The following ACSF2 variants were observed in gnomAD, a reference collection of about 807,000 sequenced individuals.
The protein encoded by ACSF2 is medium-chain acyl-CoA ligase ACSF2, mitochondrial.
ACSF2 carries 52 observed loss-of-function variants against 79.3 expected under a neutral mutation model. That is an observed-to-expected ratio of 0.66 (90% CI 0.53 to 0.83). ACSF2 has a LOEUF of 0.83. Among genes scored for constraint, ACSF2 ranks in the 40% least tolerant of loss-of-function variants. ACSF2 has a pLI of 0.00. For missense variants in ACSF2, 661 were observed against 803.3 expected (o/e 0.82, Z 2.14); for synonymous variants, 283 against 312.6 (o/e 0.91, Z 1.00).
At chr17:50,451,788 T>C (rs1448666403) in intron 1 of ACSF2, among the ~76,000 whole-genome samples, 1 of 152,346 alleles carries the variant, frequency 6.6e-6, no homozygotes, top group South Asian at 2.1e-4. Flanking sequence ...CAAGTGAGCA[T>C]GATGTGGTAC....
In ACSF2 at chr17:50,472,521, TG is replaced by T; in HGVS notation, c.1421del (p.Gly474ValfsTer24). On this transcript the variant is annotated frameshift_variant, in exon 12 of 16. Coordinates refer to ENST00000300441, the MANE Select transcript of ACSF2 (RefSeq NM_025149.6). LOFTEE classifies it high-confidence loss of function. ...AGGGTACTGCGTCATGCTGGGCTAC[TG>T]GGGTGAGCCTCAGAAGACAGAGGAA... ...IRGYCVMLGY[W>X]GEPQKTEEAV... is the part of the protein sequence containing the mutation. 6.2e-7 allele frequency: 1 copy of T among 1,612,708 alleles called. No individual in the cohort carries two copies. The highest frequency in any genetic ancestry group is 8.5e-7 in the Non-Finnish European group (1 of 1,179,360).
chr17:50,447,499 G>A lies in ACSF2; in HGVS notation c.129-13178G>A, dbSNP rs141498335. On this transcript the variant is annotated intron_variant, in intron 1 of 15. Coordinates refer to ENST00000300441, the MANE Select transcript of ACSF2 (RefSeq NM_025149.6). ...AGAGGTTGTAGTGAGCCGAGATCGC[G>A]CCACTGCACTCCAGCCTGGGCCACA... 1.4e-3 allele frequency among the ~76,000 whole-genome samples: 212 copies of A among 151,980 alleles called. 2 individuals carry two copies. Among genetic ancestry groups the A allele is most frequent in the African/African-American group, 5.0e-3 (207 of 41,424 alleles).
intron 1 of ACSF2, among the ~76,000 whole-genome samples, chr17:50,444,956 C>G (rs977490579): frequency 6.6e-6 from 1 of 152,018 alleles, no homozygotes; most frequent in Non-Finnish European, 1.5e-5. Context: ...ACTCTGTTGC[C>G]CAGGCTGGAG....
At chr17:50,441,566 C>T (rs1372627701) in intron 1 of ACSF2, among the ~76,000 whole-genome samples, 1 of 152,152 alleles carries the variant, frequency 6.6e-6, no homozygotes, top group African/African-American at 2.4e-5. Context: ...GTTTGAATCC[C>T]AGGTTGGCTG....
intron 10 of ACSF2, chr17:50,468,768 G>A: frequency 6.3e-7 from 1 of 1,584,884 alleles, no homozygotes; most frequent in Non-Finnish European, 8.5e-7. Flanking sequence ...GCCGGCAGCA[G>A]ACCAGCCAGG....
chr17:50,465,386 T>A (rs753373865), intron 10 of ACSF2: 8 of 1,613,776 alleles, frequency 5.0e-6, no homozygotes, highest in Non-Finnish European at 6.8e-6. Context: ...GCCCTTGAAC[T>A]TGGCAGGTGA....
intron 1 of ACSF2, among the ~76,000 whole-genome samples, chr17:50,429,516 T>C (rs939368724): frequency 6.9e-6 from 1 of 145,206 alleles, no homozygotes; most frequent in Non-Finnish European, 1.5e-5. Flanking sequence ...AGTCTTTCTC[T>C]TTTTCTTTTT....
At chr17:50,446,562 C>T (rs1421613271) in intron 1 of ACSF2, among the ~76,000 whole-genome samples, 2 of 152,140 alleles carry the variant, frequency 1.3e-5, no homozygotes, top group Admixed American at 6.6e-5. Context: ...TTTTAAGGCC[C>T]ACTTGATGTA....
Position 50,472,554 on chromosome 17 carries a change from G to A in ACSF2, c.1450G>A (p.Asp484Asn). 6.2e-7 allele frequency: 1 copy of A among 1,611,176 alleles called. No individual in the cohort carries two copies. Among genetic ancestry groups the A allele is most frequent in the Non-Finnish European group, 8.5e-7 (1 of 1,178,730 alleles). Residue 484 changes from aspartate (D) to asparagine (N), a missense_variant, in exon 12 of 16, where the codon GAT becomes AAT. By Grantham distance (23) the Asp-to-Asn change is conservative (BLOSUM62 1). Coordinates refer to ENST00000300441, the MANE Select transcript of ACSF2 (RefSeq NM_025149.6). ...GCCTCAGAAGACAGAGGAAGCAGTG[G>A]ATCAGGACAAGTGGTATTGGACAGG... ...GEPQKTEEAV[D>N]QDKWYWTGDV...
chr17:50,465,493 G>C (rs990502788), intron 10 of ACSF2: 1 of 1,597,024 alleles, frequency 6.3e-7, no homozygotes, highest in South Asian at 1.1e-5. Flanking sequence ...GTGCTGGGGG[G>C]AAGGGCAGTG....
Position 50,473,762 on chromosome 17 carries a change from C to G in ACSF2, c.1573C>G (p.Leu525Val). 4.3e-6 allele frequency: 7 copies of G among 1,614,222 alleles called. No homozygotes were observed. Among genetic ancestry groups the G allele is most frequent in the Non-Finnish European group, 5.9e-6 (7 of 1,180,038 alleles). Residue 525 changes from leucine (L) to valine (V), a missense_variant, in exon 13 of 16, where the codon CTC becomes GTC. By Grantham distance (32) the Leu-to-Val change is conservative. Coordinates refer to ENST00000300441, the MANE Select transcript of ACSF2 (RefSeq NM_025149.6). ...TGGTGAGAACATCTACCCCGCAGAGCTCGAGGACTTCTTTCACACACACCC... is the reference window on the plus strand; with the variant it reads ...TGGTGAGAACATCTACCCCGCAGAGGTCGAGGACTTCTTTCACACACACCC... ...RGGENIYPAE[L>V]EDFFHTHPKV...
At chr17:50,458,987 T>G (rs1015341987) in intron 1 of ACSF2, among the ~76,000 whole-genome samples, 3 of 152,328 alleles carry the variant, frequency 2.0e-5, no homozygotes, top group Non-Finnish European at 4.4e-5. Flanking sequence ...CTGTGGCTTG[T>G]TCTATCTCTA....
At chr17:50,429,673 C>A (rs1022786465) in intron 1 of ACSF2, among the ~76,000 whole-genome samples, 5 of 152,204 alleles carry the variant, frequency 3.3e-5, no homozygotes, top group Admixed American at 2.6e-4. Flanking sequence ...GTGTGCGCCA[C>A]CCGCCCAGCT....
intron 1 of ACSF2, among the ~76,000 whole-genome samples, chr17:50,442,666 A>ATGT (rs1318317396): frequency 1.3e-5 from 2 of 151,978 alleles, no homozygotes; most frequent in Non-Finnish European, 2.9e-5. Context: ...GGGTCTCAAT[A>ATGT]TGTTGCTCAG....
At position 50,464,202 on chromosome 17, in the gene ACSF2, C is replaced by T. The variant is rs1048971556; in HGVS notation, c.1139-16C>T. 4 of 1,613,592 alleles carry T rather than the reference C, an allele frequency of 2.5e-6. No homozygotes were observed. In the African/African-American group the frequency reaches 5.3e-5, roughly 22 times the overall value. On this transcript the variant is annotated splice_polypyrimidine_tract_variant and intron_variant, in intron 9 of 15. Coordinates refer to ENST00000300441, the MANE Select transcript of ACSF2 (RefSeq NM_025149.6). ...TGGAGAATTGGGGAGCTGTGTCAGC[C>T]CTCTCTCTGATTCAGGTGTCATTGC...
chr17:50,465,507 T>C, intron 10 of ACSF2: 1 of 1,579,598 alleles, frequency 6.3e-7, no homozygotes. Flanking sequence ...GGCAGTGAAC[T>C]ATGGGGCCAG....
rs186659556 is a variant in ACSF2, at chr17:50,452,246, C to A, written c.129-8431C>A. On this transcript the variant is annotated intron_variant, in intron 1 of 15. Coordinates refer to ENST00000300441, the MANE Select transcript of ACSF2 (RefSeq NM_025149.6). The stretch of plus-strand genomic sequence containing the variant: ...TACTTTAGTTCTGAGTTGAGAACAA[C>A]TGGCACTGCTGTTTTTCCTCTAACT... Among the ~76,000 whole-genome samples the A allele has an allele frequency of 3.0e-3, 456 of 152,270 alleles. 1 individual carries two copies. Among genetic ancestry groups the A allele is most frequent in the Non-Finnish European group, 4.6e-3 (313 of 68,028 alleles).
At chr17:50,445,530 C>T (rs2031241239) in intron 1 of ACSF2, among the ~76,000 whole-genome samples, 1 of 152,216 alleles carries the variant, frequency 6.6e-6, no homozygotes, top group South Asian at 2.1e-4. Flanking sequence ...CATGGTGGCT[C>T]ACGTCTGTAA....
At chr17:50,434,789 CAG>C (rs1232980808) in intron 1 of ACSF2, among the ~76,000 whole-genome samples, 6 of 151,924 alleles carry the variant, frequency 3.9e-5, no homozygotes, top group Admixed American at 6.6e-5. Context: ...ACATACTCCT[CAG>C]GGTGGTTATG....
Sources: allele counts gnomAD v4.1 joint callset (sites outside exome capture counted in the v4.1 genomes callset), GRCh38; gene constraint gnomAD v4.1.1; transcripts MANE v1.5; gene names NCBI Gene and HGNC (gene_info 2026-07-23, HGNC 2026-07-21).